The following DPP10 variants were observed in gnomAD, a reference collection of about 807,000 sequenced individuals.
The protein encoded by DPP10 is dipeptidyl peptidase like 10.
In DPP10, 33 loss-of-function variants were observed where a neutral mutation model predicts 120.9. That is an observed-to-expected ratio of 0.27 (90% confidence interval 0.21 to 0.37). The LOEUF (loss-of-function observed/expected upper bound fraction) is 0.37. DPP10 is among the 10% of genes least tolerant of loss of function. The pLI is 1.00. For missense variants in DPP10, 816 were observed against 942.8 expected (o/e 0.87, Z 1.76); for synonymous variants, 337 against 326.1 (o/e 1.03, Z -0.36).
At chr2:114,555,632 C>G (rs1232435015) in intron 1 of DPP10, among the ~76,000 whole-genome samples, 1 of 152,000 alleles carries the variant, frequency 6.6e-6, no homozygotes, top group African/African-American at 2.4e-5. Context: ...AATGAATAAA[C>G]CAAACAGCCC....
chr2:115,470,254 T>C (rs911770928), intron 3 of DPP10, among the ~76,000 whole-genome samples: 3 of 152,176 alleles, frequency 2.0e-5, no homozygotes, highest in Non-Finnish European at 4.4e-5. Context: ...TTTGAAACAT[T>C]AAAGAAGAAT....
At chr2:115,467,505 A>C (rs890146696) in intron 3 of DPP10, among the ~76,000 whole-genome samples, 1 of 149,682 alleles carries the variant, frequency 6.7e-6, no homozygotes, top group Non-Finnish European at 1.5e-5. Flanking sequence ...TTAACCCGGG[A>C]GGCAGAGGTT....
chr2:114,717,926 T>G (rs897010849), intron 1 of DPP10, among the ~76,000 whole-genome samples: 4 of 152,216 alleles, frequency 2.6e-5, no homozygotes, highest in African/African-American at 9.6e-5. Context: ...TGAGACATAT[T>G]GTAAGAAACT....
chr2:114,464,960 C>T (rs1178931347), intron 1 of DPP10, among the ~76,000 whole-genome samples: 1 of 152,108 alleles, frequency 6.6e-6, no homozygotes, highest in Non-Finnish European at 1.5e-5. Context: ...TGTTAGTTTT[C>T]CCCGTTCTCC....
intron 3 of DPP10, among the ~76,000 whole-genome samples, chr2:115,357,956 C>T (rs1043654026): frequency 6.6e-6 from 1 of 151,966 alleles, no homozygotes; most frequent in Non-Finnish European, 1.5e-5. Context: ...GACACAGTAC[C>T]GAGGCTATAC....
intron 1 of DPP10, among the ~76,000 whole-genome samples, chr2:114,460,198 T>TATC (rs950339819): frequency 3.3e-5 from 5 of 151,928 alleles, no homozygotes; most frequent in African/African-American, 1.2e-4. Flanking sequence ...TCTATCTATC[T>TATC]ATCTATCTAT....
chr2:115,546,705 C>T (rs1376375964), intron 5 of DPP10, among the ~76,000 whole-genome samples: 1 of 152,170 alleles, frequency 6.6e-6, no homozygotes, highest in South Asian at 2.1e-4. Context: ...TCTTTCTTTG[C>T]AGATAGTCAA....
intron 21 of DPP10, among the ~76,000 whole-genome samples, chr2:115,820,155 T>C (rs570970458): frequency 1.3e-5 from 2 of 152,336 alleles, no homozygotes; most frequent in South Asian, 2.1e-4. Context: ...TTATTATTTT[T>C]ATGTCAAATT....
chr2:115,278,867 T>A (rs2060024613), intron 1 of DPP10, among the ~76,000 whole-genome samples: 2 of 152,058 alleles, frequency 1.3e-5, no homozygotes, highest in Non-Finnish European at 2.9e-5. Context: ...AGCAGAAGCC[T>A]TTTTTTGTTT....
chr2:115,582,451 A>C (rs569965881), intron 5 of DPP10, among the ~76,000 whole-genome samples: 11 of 152,202 alleles, frequency 7.2e-5, no homozygotes, highest in South Asian at 4.1e-4. Flanking sequence ...CTATTGGGAG[A>C]CTGCCTTTCC....
At chr2:115,410,793 C>G (rs1228949199) in intron 3 of DPP10, among the ~76,000 whole-genome samples, 1 of 152,160 alleles carries the variant, frequency 6.6e-6, no homozygotes, top group Non-Finnish European at 1.5e-5. Context: ...ACCAAAACCA[C>G]CTGTTCCCTA....
intron 1 of DPP10, among the ~76,000 whole-genome samples, chr2:114,924,945 C>T (rs1021143280): frequency 1.3e-5 from 2 of 152,186 alleles, no homozygotes; most frequent in African/African-American, 4.8e-5. Flanking sequence ...GGCACGGTGG[C>T]TCACGCCAGT....
chr2:115,659,807 A>G (rs540276134), intron 5 of DPP10, among the ~76,000 whole-genome samples: 61 of 152,322 alleles, frequency 4.0e-4, no homozygotes, highest in African/African-American at 1.3e-3. Flanking sequence ...TGTCAGTTCT[A>G]TAAGCCCCAG....
chr2:115,191,571 AAG>A (rs1172721799), intron 1 of DPP10, among the ~76,000 whole-genome samples: 2 of 152,194 alleles, frequency 1.3e-5, no homozygotes, highest in African/African-American at 4.8e-5. Context: ...GAATAGATGA[AAG>A]AGAGTTACAT....
chr2:115,465,511 A>C (rs751925041), intron 3 of DPP10, among the ~76,000 whole-genome samples: 2 of 152,142 alleles, frequency 1.3e-5, no homozygotes, highest in East Asian at 3.9e-4. Flanking sequence ...GATTTGAGGA[A>C]AGTCTAAATG....
intron 5 of DPP10, among the ~76,000 whole-genome samples, chr2:115,562,606 C>T (rs899345977): frequency 2.0e-5 from 3 of 152,178 alleles, no homozygotes; most frequent in Admixed American, 6.5e-5. Context: ...AAATTATAAT[C>T]ACTTTCTTGC....
At chr2:115,215,384 A>G (rs1244180679) in intron 1 of DPP10, among the ~76,000 whole-genome samples, 1 of 152,222 alleles carries the variant, frequency 6.6e-6, no homozygotes, top group Non-Finnish European at 1.5e-5. Context: ...AAAAAATAAA[A>G]TAGGCCATAT....
chr2:115,827,895 C>G (rs745872585), intron 21 of DPP10, among the ~76,000 whole-genome samples: 45 of 151,908 alleles, frequency 3.0e-4, no homozygotes, highest in Non-Finnish European at 6.3e-4. Flanking sequence ...CTGCACCCGG[C>G]CTAAAAGTGA....
At chr2:114,728,805 C>T (rs1315769251) in intron 1 of DPP10, among the ~76,000 whole-genome samples, 6 of 152,128 alleles carry the variant, frequency 3.9e-5, no homozygotes, top group Non-Finnish European at 8.8e-5. Context: ...TAAAATTACA[C>T]GTATGGGGGT....
Sources: gnomAD v4.1 joint callset for allele counts (sites outside exome capture counted in the v4.1 genomes callset) on GRCh38, gnomAD v4.1.1 for gene constraint, MANE v1.5 for transcripts, NCBI Gene and HGNC (gene_info 2026-07-23, HGNC 2026-07-21) for gene names.